The following PLXDC1 variants were observed in gnomAD, a reference collection of about 807,000 sequenced individuals.
PLXDC1 encodes plexin domain containing 1.
A neutral mutation model predicts 61.3 loss-of-function variants in PLXDC1; 39 were observed. The observed-to-expected ratio is 0.64, with a 90% CI of 0.49 to 0.83. The LOEUF (loss-of-function observed/expected upper bound fraction) is 0.83. Ranked by LOEUF, PLXDC1 falls within the 40% of genes least tolerant of loss-of-function variation. The probability of loss-of-function intolerance (pLI) is 0.00; values close to 1 mark genes in which losing one functional copy is unlikely to be tolerated. For synonymous variants in PLXDC1, 212 were observed against 254.5 expected, an observed-to-expected ratio of 0.83 and a Z score of 1.59; for missense variants, 596 against 666.5, an observed-to-expected ratio of 0.89 and a Z score of 1.17.
At chr17:39,118,479 C>G (rs887704658) in intron 2 of PLXDC1, among the ~76,000 whole-genome samples, 11 of 152,164 alleles carry the variant, frequency 7.2e-5, no homozygotes, top group African/African-American at 2.7e-4. Context: ...GCTGGGATTA[C>G]AAGCATGAGC....
intron 7 of PLXDC1, among the ~76,000 whole-genome samples, chr17:39,101,731 C>T (rs774219776): frequency 4.6e-5 from 7 of 152,078 alleles, no homozygotes; most frequent in Non-Finnish European, 7.4e-5. Context: ...TGAATTAGTC[C>T]CAAGTAGAAG....
chr17:39,125,203 G>A (rs1911279624), intron 2 of PLXDC1, among the ~76,000 whole-genome samples: 2 of 152,340 alleles, frequency 1.3e-5, no homozygotes, highest in African/African-American at 4.8e-5. Flanking sequence ...ACCTCAGGTT[G>A]AAATAAACCC....
intron 7 of PLXDC1, among the ~76,000 whole-genome samples, chr17:39,090,035 G>GT (rs1298550336): frequency 2.6e-5 from 4 of 152,100 alleles, no homozygotes; most frequent in African/African-American, 9.7e-5. Flanking sequence ...CTGACCTCAG[G>GT]TGATATGCCT....
chr17:39,119,615 G>A (rs773637414), intron 2 of PLXDC1, among the ~76,000 whole-genome samples: 3 of 151,940 alleles, frequency 2.0e-5, no homozygotes, highest in Non-Finnish European at 4.4e-5. Flanking sequence ...GGGTGATGGC[G>A]TGCTCCCATA....
intron 2 of PLXDC1, among the ~76,000 whole-genome samples, chr17:39,138,176 T>A (rs1240695511): frequency 2.0e-5 from 3 of 152,068 alleles, no homozygotes; most frequent in Non-Finnish European, 4.4e-5. Flanking sequence ...GCTCAAGCGA[T>A]CCACCCGTCT....
intron 11 of PLXDC1, among the ~76,000 whole-genome samples, chr17:39,074,043 T>C (rs969520750): frequency 6.6e-6 from 1 of 151,982 alleles, no homozygotes. Context: ...CTTCATTCAA[T>C]CTCCCTGTTA....
At chr17:39,129,317 CAAAA>C (rs35923960) in intron 2 of PLXDC1, among the ~76,000 whole-genome samples, 11 of 109,084 alleles carry the variant, frequency 1.0e-4, no homozygotes, top group Admixed American at 3.0e-4. Context: ...GACTCTGTCT[CAAAA>C]AAAAAAAAAA....
intron 13 of PLXDC1, among the ~76,000 whole-genome samples, chr17:39,069,002 G>A (rs911801758): frequency 6.6e-6 from 1 of 152,210 alleles, no homozygotes; most frequent in Non-Finnish European, 1.5e-5. Flanking sequence ...CACATCCCAT[G>A]CTGCCCCTCA....
intron 2 of PLXDC1, among the ~76,000 whole-genome samples, chr17:39,132,290 G>GTCTCTGACTCAGCACATCCCAGGA (rs1186561870): frequency 5.3e-5 from 8 of 151,990 alleles, no homozygotes; most frequent in Non-Finnish European, 8.8e-5. Context: ...ACATCCCAGG[G>GTCTCTGACTCAGCACATCCCAGGA]TCTCTGACTC....
At chr17:39,131,558 A>G (rs551147243) in intron 2 of PLXDC1, among the ~76,000 whole-genome samples, 131 of 151,954 alleles carry the variant, frequency 8.6e-4, no homozygotes, top group African/African-American at 2.0e-3. Flanking sequence ...TCACCATGTT[A>G]GCCAGGCTGG....
Position 39,089,227 on chromosome 17 carries a change from T to A in PLXDC1, c.812-1525A>T, listed in dbSNP as rs140324173. ...CAGGTGGGCTGAACCACAGCTGCCA[T>A]CTTCTTCCATGATCCTGCCTCTCTG... On this transcript the variant is annotated intron_variant, in intron 7 of 13. Coordinates refer to ENST00000315392, the MANE Select transcript of PLXDC1 (RefSeq NM_020405.5). Among the ~76,000 whole-genome samples, 21 of 152,282 alleles carry A rather than the reference T, an allele frequency of 1.4e-4. No individual in the cohort carries two copies. The East Asian group carries it at 3.9e-3, about 28-fold the overall frequency.
intron 2 of PLXDC1, among the ~76,000 whole-genome samples, chr17:39,118,235 G>A (rs1002612964): frequency 4.7e-5 from 7 of 148,158 alleles, no homozygotes; most frequent in Admixed American, 2.0e-4. Context: ...ATGGAGTTTC[G>A]TTCTTGTCGC....
At chr17:39,089,026 C>T (rs1033440105) in intron 7 of PLXDC1, among the ~76,000 whole-genome samples, 66 of 136,002 alleles carry the variant, frequency 4.9e-4, no homozygotes, top group South Asian at 5.0e-4. Flanking sequence ...AAAGAAAGAA[C>T]GGAAAGAAAG....
chr17:39,069,877 A>C lies in PLXDC1; in HGVS notation c.1362T>G (p.Asn454Lys). Residue 454 changes from asparagine (N) to lysine (K), a missense_variant, in exon 13 of 14, where the codon AAT becomes AAG. Coordinates refer to ENST00000315392, the MANE Select transcript of PLXDC1 (RefSeq NM_020405.5). ...GGACCTCGATGAAGAAGAGCGCAGCATTGGATGTGGGGTGGCCATTGATGT... is the reference window on the plus strand; with the variant it reads ...GGACCTCGATGAAGAAGAGCGCAGCCTTGGATGTGGGGTGGCCATTGATGT... ...GIYINGHPTS[N>K]AALFFIERRP... The C allele has an allele frequency of 6.2e-7, 1 of 1,614,074 alleles. No individual in the cohort carries two copies. Among genetic ancestry groups the C allele is most frequent in the South Asian group, 1.1e-5 (1 of 91,076 alleles).
chr17:39,082,823 A>T (rs1008680166), intron 9 of PLXDC1, among the ~76,000 whole-genome samples: 1 of 152,180 alleles, frequency 6.6e-6, no homozygotes. Flanking sequence ...CAGAACAAGG[A>T]GTGGAAGAGG....
rs1911864880 is a variant in PLXDC1, at chr17:39,139,614, C to A, written c.255+40G>T. On this transcript the variant is annotated intron_variant, in intron 2 of 13. Transcript: ENST00000315392. ...GGGGCAGCTGGTGAGACCTCCCCCA[C>A]CCCCACTTCGCTCCCCCTCCATGTT... 5 of 1,513,846 alleles carry A rather than the reference C, an allele frequency of 3.3e-6. No homozygotes were observed. In the East Asian group the frequency reaches 6.9e-5, roughly 21 times the overall value. 93.8% of individuals were successfully genotyped at this position (1,513,846 alleles called of 1,614,324 possible). A position where few individuals can be genotyped will look rare whatever the true frequency, so the allele number is the denominator to read the frequency against.
intron 6 of PLXDC1, among the ~76,000 whole-genome samples, chr17:39,106,625 C>CTTCTTTT (rs1220342947): frequency 6.7e-6 from 1 of 150,298 alleles, no homozygotes; most frequent in African/African-American, 2.5e-5. Flanking sequence ...ATCATGCTGC[C>CTTCTTTT]TTCTTTTTTC....
chr17:39,151,310 G>T lies in PLXDC1; in HGVS notation c.76+52C>A. The stretch of plus-strand genomic sequence containing the variant: ...CACCTGCCCATGCCCACACCTGACT[G>T]CCCGTCCCTCCCCGCCCCCGGCCCA... On this transcript the variant is annotated intron_variant, in intron 1 of 13. Coordinates refer to ENST00000315392, the MANE Select transcript of PLXDC1 (RefSeq NM_020405.5). The surrounding 1 kb of genome is among the most constrained non-coding windows in gnomAD (Gnocchi z 5.2). 1.6e-6 allele frequency: 2 copies of T among 1,231,338 alleles called. No individual in the cohort carries two copies. Among genetic ancestry groups the T allele is most frequent in the Non-Finnish European group, 2.1e-6 (2 of 975,532 alleles). 76.3% of individuals were successfully genotyped at this position (1,231,338 alleles called of 1,614,324 possible).
chr17:39,065,645 G>C lies in PLXDC1; in HGVS notation c.*2195C>G, dbSNP rs1041400437. 2 of 152,112 alleles carry C rather than the reference G, an allele frequency of 1.3e-5. No individual in the cohort carries two copies. The highest frequency in any genetic ancestry group is 2.9e-5 in the Non-Finnish European group (2 of 68,078). 9.4% of individuals were successfully genotyped at this position (152,112 alleles called of 1,614,324 possible). On this transcript the variant is annotated 3_prime_UTR_variant, in exon 14 of 14. Transcript: ENST00000315392. The stretch of plus-strand genomic sequence containing the variant: ...CCCACCTCAGCCTCCCAAAGTGCTG[G>C]GAGTACAGGCACGAGCCATCAGGCT...
Sources: allele counts gnomAD v4.1 joint callset (sites outside exome capture counted in the v4.1 genomes callset), GRCh38; gene constraint gnomAD v4.1.1; non-coding constraint Gnocchi (gnomAD v3.1); transcripts MANE v1.5; gene names NCBI Gene and HGNC (gene_info 2026-07-23, HGNC 2026-07-21).